CRPPA: variants seen among roughly 807,000 people sequenced by gnomAD.
CRPPA encodes the protein CDP-L-ribitol pyrophosphorylase A.
A neutral mutation model predicts 52.0 loss-of-function variants in CRPPA; 43 were observed. The observed-to-expected ratio is 0.83, with a 90% CI of 0.65 to 1.07. CRPPA has a LOEUF of 1.07. Among genes scored for constraint, CRPPA ranks in the 50% least tolerant of loss-of-function variants. The probability of loss-of-function intolerance (pLI) is 0.00; values close to 1 mark genes in which losing one functional copy is unlikely to be tolerated. For missense variants in CRPPA, 629 were observed against 551.7 expected (o/e 1.14, Z -1.40); for synonymous variants, 250 against 203.5 (o/e 1.23, Z -1.94).
At chr7:16,136,218 T>C (rs1782759281) in intron 9 of CRPPA, among the ~76,000 whole-genome samples, 1 of 152,236 alleles carries the variant, frequency 6.6e-6, no homozygotes, top group Non-Finnish European at 1.5e-5. Context: ...CATCTTTTAC[T>C]ACAAATTGGA....
intron 8 of CRPPA, among the ~76,000 whole-genome samples, chr7:16,226,990 A>G (rs143451625): frequency 6.6e-6 from 1 of 151,896 alleles, no homozygotes; most frequent in East Asian, 1.9e-4. Context: ...AACATCATTC[A>G]GTATTTGTCT....
chr7:16,284,331 T>C (rs1163113463), intron 5 of CRPPA, among the ~76,000 whole-genome samples: 1 of 152,106 alleles, frequency 6.6e-6, no homozygotes, highest in East Asian at 1.9e-4. Context: ...AGGCAGGAGA[T>C]GTGTGTAAAA....
intron 6 of CRPPA, among the ~76,000 whole-genome samples, chr7:16,268,457 T>G (rs1784010929): frequency 6.6e-6 from 1 of 152,128 alleles, no homozygotes; most frequent in Non-Finnish European, 1.5e-5. Context: ...TTTTCATTAA[T>G]GTATACTCCT....
intron 6 of CRPPA, chr7:16,262,128 C>G (rs1346104651): frequency 1.3e-5 from 2 of 152,128 alleles, no homozygotes; most frequent in Non-Finnish European, 2.9e-5. Context: ...TATTTCTCAA[C>G]TTTTCCTGAA....
intron 9 of CRPPA, among the ~76,000 whole-genome samples, chr7:16,113,081 AG>A (rs762528600): frequency 9.2e-5 from 14 of 152,074 alleles, no homozygotes; most frequent in Non-Finnish European, 1.8e-4. Flanking sequence ...TAAGAAAGCA[AG>A]ACAAGTCTCT....
chr7:16,126,775 C>T (rs1782589121), intron 9 of CRPPA, among the ~76,000 whole-genome samples: 1 of 152,154 alleles, frequency 6.6e-6, no homozygotes, highest in African/African-American at 2.4e-5. Flanking sequence ...GACAGAAATA[C>T]AGATGACAGA....
Position 16,129,039 on chromosome 7 carries a change from A to C in CRPPA, c.1252-37240T>G, listed in dbSNP as rs186422784. 5.6e-3 allele frequency among the ~76,000 whole-genome samples: 850 copies of C among 152,278 alleles called. 13 individuals are homozygous for C. Among genetic ancestry groups the C allele is most frequent in the African/African-American group, 0.02 (811 of 41,564 alleles). On this transcript the variant is annotated intron_variant, in intron 9 of 9. Transcript: ENST00000407010. ...CCTAAGAGTAAAAGCATATGAGCGA[A>C]AGATTCAAAATTTCAGTAATCCATC...
intron 9 of CRPPA, among the ~76,000 whole-genome samples, chr7:16,105,662 C>A (rs1453744625): frequency 6.6e-6 from 1 of 152,036 alleles, no homozygotes; most frequent in Non-Finnish European, 1.5e-5. Context: ...CATAACCCAC[C>A]CACAAAGCTG....
intron 8 of CRPPA, among the ~76,000 whole-genome samples, chr7:16,217,114 C>G (rs1164203505): frequency 6.7e-5 from 10 of 149,298 alleles, no homozygotes; most frequent in African/African-American, 2.5e-4. Flanking sequence ...AGACTGCCTC[C>G]TCAAGTGGGT....
intron 9 of CRPPA, among the ~76,000 whole-genome samples, chr7:16,203,417 G>A (rs1388012769): frequency 2.6e-5 from 4 of 152,122 alleles, no homozygotes; most frequent in Non-Finnish European, 5.9e-5. Context: ...ATCTGAAAAT[G>A]AAGATATATT....
chr7:16,174,471 C>A (rs1335295699), intron 9 of CRPPA, among the ~76,000 whole-genome samples: 1 of 152,134 alleles, frequency 6.6e-6, no homozygotes, highest in Non-Finnish European at 1.5e-5. Context: ...AAGCAAATGG[C>A]AGACTTGGAC....
At chr7:16,379,184 T>C (rs1309097625) in intron 2 of CRPPA, among the ~76,000 whole-genome samples, 2 of 152,242 alleles carry the variant, frequency 1.3e-5, no homozygotes, top group Non-Finnish European at 2.9e-5. Flanking sequence ...TTCTTGCCCA[T>C]GCCTATGTCC....
chr7:16,249,047 C>T (rs1783362416), intron 8 of CRPPA, among the ~76,000 whole-genome samples: 1 of 152,064 alleles, frequency 6.6e-6, no homozygotes, highest in Non-Finnish European at 1.5e-5. Flanking sequence ...GAGGGGGCGT[C>T]CACCATTGCT....
intron 9 of CRPPA, among the ~76,000 whole-genome samples, chr7:16,163,067 G>A (rs1445007214): frequency 4.9e-5 from 7 of 141,850 alleles, no homozygotes; most frequent in South Asian, 2.3e-4. Flanking sequence ...TCCACCTCCC[G>A]GGTTCACACC....
rs886062151 is a variant in CRPPA at position 16,088,894 on chromosome 7, A to C, written c.*2801T>G. On this transcript the variant is annotated 3_prime_UTR_variant, in exon 10 of 10. Coordinates refer to ENST00000407010, the MANE Select transcript of CRPPA (RefSeq NM_001101426.4). ...CTTCTTGTCCATTTCGCCAATGTTC[A>C]TTCAGTGCCTCTGGCTTATATATCA... is the stretch of plus-strand genomic sequence containing the variant. The C allele has an allele frequency of 5.5e-6, 1 of 180,382 alleles. No homozygotes were observed. Among genetic ancestry groups the C allele is most frequent in the Non-Finnish European group, 1.2e-5 (1 of 82,928 alleles). 11.2% of individuals were successfully genotyped at this position (180,382 alleles called of 1,614,324 possible).
At chr7:16,274,750 G>C (rs1462988079) in intron 6 of CRPPA, among the ~76,000 whole-genome samples, 1 of 151,938 alleles carries the variant, frequency 6.6e-6, no homozygotes, top group Non-Finnish European at 1.5e-5. Context: ...ATTTATAGAC[G>C]AATTAGATAC....
chr7:16,392,253 C>G (rs997340760), intron 2 of CRPPA, among the ~76,000 whole-genome samples: 1 of 152,022 alleles, frequency 6.6e-6, no homozygotes, highest in Non-Finnish European at 1.5e-5. Flanking sequence ...GCCATCATAC[C>G]CCTACAGAGT....
intron 9 of CRPPA, among the ~76,000 whole-genome samples, chr7:16,157,528 C>A (rs2065662750): frequency 6.6e-6 from 1 of 151,932 alleles, no homozygotes; most frequent in African/African-American, 2.4e-5. Flanking sequence ...ATTTGAATTT[C>A]ATATTTTGAG....
Position 16,280,759 on chromosome 7 carries a change from G to A in CRPPA, c.836-2533C>T, listed in dbSNP as rs562421861. Among the ~76,000 whole-genome samples, 7 of 152,210 alleles carry A rather than the reference G, an allele frequency of 4.6e-5. No homozygotes were observed. In the East Asian group the frequency reaches 7.7e-4, roughly 17 times the overall value. On this transcript the variant is annotated intron_variant, in intron 5 of 9. Coordinates refer to ENST00000407010, the MANE Select transcript of CRPPA (RefSeq NM_001101426.4). ...TTGCTGGCCAGGCACAGTGGCTCAC[G>A]CCTGTAATCCCAGCACTTTGGGAGG...
Sources: allele counts gnomAD v4.1 joint callset (sites outside exome capture counted in the v4.1 genomes callset), GRCh38; gene constraint gnomAD v4.1.1; transcripts MANE v1.5; gene names NCBI Gene and HGNC (gene_info 2026-07-23, HGNC 2026-07-21).